MICU3: variants seen among roughly 807,000 people sequenced by gnomAD.
MICU3 encodes the protein mitochondrial calcium uptake 3.
Under a neutral mutation model 66.5 loss-of-function variants are expected in MICU3, and 62 were observed. That is an observed-to-expected ratio of 0.93 (90% CI 0.76 to 1.15). The LOEUF is 1.15. Among genes scored for constraint, MICU3 ranks in the 50% most tolerant of loss-of-function variants. The pLI, the probability that MICU3 is intolerant of heterozygous loss-of-function variation, is 0.00. For missense variants in MICU3, 779 were observed against 664.4 expected, an observed-to-expected ratio of 1.17 and a Z score of -1.90; for synonymous variants, 308 against 240.7, an observed-to-expected ratio of 1.28 and a Z score of -2.59.
Position 17,092,366 on chromosome 8 carries a change from C to T in MICU3, c.888+1782C>T, listed in dbSNP as rs570445141. Among the ~76,000 whole-genome samples, 6 of 151,902 alleles carry T rather than the reference C, an allele frequency of 3.9e-5. No individual in the cohort carries two copies. In the East Asian group the frequency reaches 1.2e-3, roughly 29 times the overall value. ...GATCCTAATATTGCTCTAGTTTAAA[C>T]TACATATGCAAATTGCAGTCACTGA... On this transcript the variant is annotated intron_variant, in intron 8 of 14. Coordinates refer to ENST00000318063, the MANE Select transcript of MICU3 (RefSeq NM_181723.3).
At chr8:17,093,479 T>C (rs1800305297) in intron 8 of MICU3, among the ~76,000 whole-genome samples, 1 of 152,004 alleles carries the variant, frequency 6.6e-6, no homozygotes, top group African/African-American at 2.4e-5. Flanking sequence ...GTGTAATATA[T>C]ACAGATGTAT....
At chr8:17,108,786 A>AC (rs1470073469) in intron 11 of MICU3, among the ~76,000 whole-genome samples, 1 of 152,106 alleles carries the variant, frequency 6.6e-6, no homozygotes, top group African/African-American at 2.4e-5. Flanking sequence ...TTTCGATCAT[A>AC]CCACAGTAAG....
chr8:17,107,766 T>G (rs1194191628), intron 11 of MICU3, among the ~76,000 whole-genome samples: 3 of 152,184 alleles, frequency 2.0e-5, no homozygotes, highest in Non-Finnish European at 2.9e-5. Context: ...GAACCTTGCT[T>G]TAGCATAGGC....
At chr8:17,119,258 T>C (rs1482399134) in intron 14 of MICU3, among the ~76,000 whole-genome samples, 27 of 152,180 alleles carry the variant, frequency 1.8e-4, no homozygotes, top group Admixed American at 1.7e-3. Context: ...TTCTATCTTA[T>C]TCATTTATTA....
chr8:17,034,864 A>G (rs1283128279), intron 1 of MICU3, among the ~76,000 whole-genome samples: 1 of 152,262 alleles, frequency 6.6e-6, no homozygotes, highest in African/African-American at 2.4e-5. Flanking sequence ...AATGACAACA[A>G]AGATTTGGAA....
At chr8:17,086,834 A>G (rs912278531) in intron 6 of MICU3, 130 bp from the exon 7 acceptor site, 3 of 640,216 alleles carry the variant, frequency 4.7e-6, no homozygotes, top group Non-Finnish European at 8.3e-6. Context: ...AAATAGATCT[A>G]TAGCAGTTTA....
At chr8:17,054,851 G>C (rs1428937224) in intron 1 of MICU3, among the ~76,000 whole-genome samples, 1 of 147,656 alleles carries the variant, frequency 6.8e-6, no homozygotes, top group Non-Finnish European at 1.5e-5. Context: ...CGATTCTCCT[G>C]CCTCAGCCTC....
At chr8:17,090,520 A>G in intron 7 of MICU3, 26 bp from the exon 8 acceptor site, 1 of 1,604,520 alleles carries the variant, frequency 6.2e-7, no homozygotes, top group Non-Finnish European at 8.5e-7. Context: ...ATGACACTTC[A>G]TTTGGCCCTT....
At chr8:17,042,931 ATTT>A (rs996846253) in intron 1 of MICU3, among the ~76,000 whole-genome samples, 2 of 82,152 alleles carry the variant, frequency 2.4e-5, no homozygotes, top group Admixed American at 1.4e-4. Context: ...ATTCAAAGTG[ATTT>A]TTTTTTTTTT....
intron 3 of MICU3, among the ~76,000 whole-genome samples, chr8:17,070,740 T>G (rs137931879): frequency 6.6e-6 from 1 of 152,052 alleles, no homozygotes; most frequent in Non-Finnish European, 1.5e-5. Context: ...TGGTCATTTG[T>G]GAAACTTGAG....
downstream of MICU3, among the ~76,000 whole-genome samples, chr8:17,126,034 G>GAAAA (rs34218751): frequency 3.6e-5 from 4 of 111,742 alleles, no homozygotes; most frequent in African/African-American, 1.2e-4. Context: ...ATCTCAAAAG[G>GAAAA]AAAAAAAAAA....
chr8:17,059,027 G>A (rs936708005), intron 1 of MICU3, among the ~76,000 whole-genome samples: 7 of 152,136 alleles, frequency 4.6e-5, no homozygotes, highest in Non-Finnish European at 8.8e-5. Flanking sequence ...TCATTTGTAT[G>A]TAATAGGCAC....
chr8:17,093,156 G>A (rs1180326129), intron 8 of MICU3, among the ~76,000 whole-genome samples: 3 of 151,946 alleles, frequency 2.0e-5, no homozygotes, highest in Non-Finnish European at 2.9e-5. Flanking sequence ...CCAAATAACC[G>A]TGATTCTTTT....
chr8:17,079,684 A>G (rs935654785), intron 4 of MICU3, among the ~76,000 whole-genome samples: 3 of 151,882 alleles, frequency 2.0e-5, no homozygotes, highest in Non-Finnish European at 2.9e-5. Flanking sequence ...TGTAGAGACA[A>G]AGTCTCACTT....
Position 17,118,717 on chromosome 8 carries a change from C to G in MICU3, c.1535C>G (p.Thr512Arg). 1 of 1,609,254 alleles carries G rather than the reference C, an allele frequency of 6.2e-7. No individual in the cohort carries two copies. The highest frequency in any genetic ancestry group is 8.5e-7 in the Non-Finnish European group (1 of 1,176,090). Residue 512 changes from threonine to arginine, a missense_variant, in exon 14 of 15, where the codon ACA (threonine) becomes AGA (arginine). Coordinates refer to ENST00000318063, the MANE Select transcript of MICU3 (RefSeq NM_181723.3). ...TCTTCTGTTTTACAGGGTTATAAAA[C>G]AGTCCAGAAGTACCCCACTTTCAAA... ...RLHRGFRGYKTVQKYPTFKSC... is the reference protein window; with the variant it reads ...RLHRGFRGYKRVQKYPTFKSC...
At chr8:17,029,452 G>C (rs1436626111) in intron 1 of MICU3, among the ~76,000 whole-genome samples, 1 of 152,032 alleles carries the variant, frequency 6.6e-6, no homozygotes, top group Non-Finnish European at 1.5e-5. Context: ...CCCCAGCCTG[G>C]GTGACAAGAG....
chr8:17,032,687 G>T (rs1203126349), intron 1 of MICU3, among the ~76,000 whole-genome samples: 1 of 152,142 alleles, frequency 6.6e-6, no homozygotes, highest in African/African-American at 2.4e-5. Context: ...CGAAGAATTT[G>T]CCAGATGCTT....
At chr8:17,057,423 G>C (rs1031273867) in intron 1 of MICU3, among the ~76,000 whole-genome samples, 3 of 152,122 alleles carry the variant, frequency 2.0e-5, no homozygotes, top group African/African-American at 7.2e-5. Context: ...CCTGGAACAG[G>C]ATTGGTTCCA....
the MICU3 span, among the ~76,000 whole-genome samples, chr8:17,129,147 A>C: frequency 6.6e-6 from 1 of 152,190 alleles, no homozygotes; most frequent in African/African-American, 2.4e-5. Context: ...GGACCAAGCT[A>C]TCCTATCAGT....
Sources: allele counts gnomAD v4.1 joint callset (sites outside exome capture counted in the v4.1 genomes callset), GRCh38; gene constraint gnomAD v4.1.1; transcripts MANE v1.5; gene names NCBI Gene and HGNC (gene_info 2026-07-23, HGNC 2026-07-21).